Variants in ABCA5 observed in about 807,000 individuals in gnomAD.
The protein encoded by ABCA5 is cholesterol transporter ABCA5.
ABCA5 carries 163 observed loss-of-function variants against 206.0 expected under a neutral mutation model. The observed-to-expected ratio is 0.79, with a 90% CI of 0.70 to 0.90. The LOEUF is 0.90. ABCA5 is among the 40% of genes least tolerant of loss of function. The probability of loss-of-function intolerance (pLI) is 0.00; values close to 1 mark genes in which losing one functional copy is unlikely to be tolerated. For missense variants in ABCA5, 1,859 were observed against 1,912.9 expected (o/e 0.97, Z 0.53); for synonymous variants, 609 against 613.8 (o/e 0.99, Z 0.11).
At chr17:69,310,526 A>C (rs1024398190) in intron 3 of ABCA5, among the ~76,000 whole-genome samples, 2 of 152,188 alleles carry the variant, frequency 1.3e-5, no homozygotes, top group Non-Finnish European at 2.9e-5. Flanking sequence ...TCAGAAACTA[A>C]ATAGGCATTT....
rs1176053480 is a variant in ABCA5 at position 69,288,717 on chromosome 17, AAG to A, written c.1902+458_1902+459del. 3.2e-3 allele frequency among the ~76,000 whole-genome samples: 200 copies of A among 61,722 alleles called. No homozygotes were observed. In the East Asian group the frequency reaches 0.061, roughly 19 times the overall value. 40.5% of individuals were successfully genotyped at this position (61,722 alleles called of 152,430 possible). A position where few individuals can be genotyped will look rare whatever the true frequency, so the allele number is the denominator to read the frequency against. On this transcript the variant is annotated intron_variant, in intron 14 of 38. Coordinates refer to ENST00000392676, the MANE Select transcript of ABCA5 (RefSeq NM_172232.4). ...CTCGTCTCTACAAATTAAAAAAAAA[AAG>A]AAGAAAGAAAGAAAGAAAGAAAGAA...
intron 9 of ABCA5, among the ~76,000 whole-genome samples, chr17:69,298,429 A>G (rs1000905518): frequency 7.2e-5 from 11 of 152,106 alleles, no homozygotes. Context: ...CAAAATACCT[A>G]CACTCCTCAT....
rs3052556 is a variant in ABCA5, at chr17:69,274,839, C to CTTTTTTTTTTTTTTTTTTTTTTTTTTTTT, written c.2595-712_2595-711insAAAAAAAAAAAAAAAAAAAAAAAAAAAAA. On this transcript the variant is annotated intron_variant, in intron 19 of 38. Coordinates refer to ENST00000392676, the MANE Select transcript of ABCA5 (RefSeq NM_172232.4). ...GTCCTGTCTCTATCTTAACCATTTA[C>CTTTTTTTTTTTTTTTTTTTTTTTTTTTTT]TTTTTTTTTTTTTTTTTTTTTTGAG... is the stretch of plus-strand genomic sequence containing the variant. Among the ~76,000 whole-genome samples, 8 of 85,752 alleles carry CTTTTTTTTTTTTTTTTTTTTTTTTTTTTT rather than the reference C, an allele frequency of 9.3e-5. 2 individuals carry two copies. The highest frequency in any genetic ancestry group is 3.5e-4 in the African/African-American group (8 of 22,742). The allele number at this position is 85,752 out of a possible 152,430, so 56.3% of individuals were successfully genotyped here.
At chr17:69,321,227 T>C (rs558572768) in intron 1 of ABCA5, among the ~76,000 whole-genome samples, 1 of 152,270 alleles carries the variant, frequency 6.6e-6, no homozygotes, top group African/African-American at 2.4e-5. Context: ...TATCTTGAGA[T>C]GGGAACAACT....
In ABCA5 at chr17:69,277,840, A is replaced by C; in HGVS notation, c.2395T>G (p.Tyr799Asp). ...EVEAEIDQADYSVFTQQPLEE... is the reference protein window; with the variant it reads ...EVEAEIDQADDSVFTQQPLEE... ...AGTGGCTGCTGAGTAAATACACTAT[A>C]ATCTATTTGCCAAAACAAAACAAAC... The change falls in exon 19 of 39, where the codon TAT becomes GAT. Residue 799 changes from tyrosine to aspartate, a missense_variant and splice_region_variant. By Grantham distance (160) the Tyr-to-Asp change is radical. Transcript: ENST00000392676. 3 of 1,516,244 alleles carry C rather than the reference A, an allele frequency of 2.0e-6. No homozygotes were observed. The highest frequency in any genetic ancestry group is 1.3e-5 in the South Asian group (1 of 75,398). 93.9% of individuals were successfully genotyped at this position (1,516,244 alleles called of 1,614,324 possible).
At chr17:69,254,186 T>C (rs932126937) in intron 32 of ABCA5, 129 bp downstream of exon 32, 1 of 747,512 alleles carries the variant, frequency 1.3e-6, no homozygotes. Flanking sequence ...ATAAAGAATA[T>C]ATGAAAAAGT....
intron 10 of ABCA5, among the ~76,000 whole-genome samples, chr17:69,295,393 C>T (rs1467568888): frequency 1.3e-5 from 2 of 152,104 alleles, no homozygotes; most frequent in Admixed American, 6.5e-5. Flanking sequence ...AAAAAATAAG[C>T]AAGAACCCTG....
intron 6 of ABCA5, among the ~76,000 whole-genome samples, chr17:69,306,398 T>C (rs2075717075): frequency 6.6e-6 from 1 of 152,132 alleles, no homozygotes; most frequent in Non-Finnish European, 1.5e-5. Flanking sequence ...TCCTGAACTC[T>C]GAAATACACA....
chr17:69,256,557 G>A (rs916689037), intron 28 of ABCA5, among the ~76,000 whole-genome samples: 27 of 150,894 alleles, frequency 1.8e-4, no homozygotes, highest in African/African-American at 6.6e-4. Context: ...CTGGGTTCAA[G>A]CGATTCTCCT....
intron 22 of ABCA5, 103 bp from the exon 23 acceptor site, chr17:69,268,159 A>T: frequency 6.9e-6 from 4 of 579,884 alleles, no homozygotes; most frequent in Non-Finnish European, 1.2e-5. Context: ...AAAACCTCAG[A>T]AAGAATGTAT....
Position 69,313,282 on chromosome 17 carries a change from T to G in ABCA5, c.117A>C (p.Pro39=). The part of the protein sequence containing the change: ...KKSSVQEILF[P]LFFLFWLILI... ...ATATTAACCAAAATAAAAAAAATAG[T>G]GGAAAAAGAATTTCCTACAATAAAA... The change falls in exon 3 of 39, where the codon CCA becomes CCC. Residue 39 remains proline (P), a synonymous_variant. Coordinates refer to ENST00000392676, the MANE Select transcript of ABCA5 (RefSeq NM_172232.4). 1.4e-6 allele frequency: 2 copies of G among 1,385,888 alleles called. No homozygotes were observed. Among genetic ancestry groups the G allele is most frequent in the Non-Finnish European group, 1.0e-6 (1 of 1,003,520 alleles). The allele number at this position is 1,385,888 out of a possible 1,614,324, so 85.8% of individuals were successfully genotyped here.
chr17:69,325,308 CAA>C (rs35573417), intron 1 of ABCA5, among the ~76,000 whole-genome samples: 3 of 137,872 alleles, frequency 2.2e-5, no homozygotes, highest in African/African-American at 2.7e-5. Flanking sequence ...GACCCTGTCT[CAA>C]AAAAAAAAAA....
chr17:69,284,243 T>C (rs2075427490), intron 17 of ABCA5, among the ~76,000 whole-genome samples, 171 bp from the exon 18 acceptor site: 1 of 152,134 alleles, frequency 6.6e-6, no homozygotes, highest in Non-Finnish European at 1.5e-5. Context: ...AAGCCTGTAG[T>C]CTTAGCTACT....
chr17:69,295,235 A>C (rs1247777222), intron 10 of ABCA5, among the ~76,000 whole-genome samples: 1 of 152,204 alleles, frequency 6.6e-6, no homozygotes, highest in Non-Finnish European at 1.5e-5. Context: ...CACAGACCTC[A>C]ATCTATGGTA....
intron 1 of ABCA5, among the ~76,000 whole-genome samples, chr17:69,325,375 G>A (rs964076858): frequency 6.6e-6 from 1 of 151,892 alleles, no homozygotes; most frequent in Admixed American, 6.6e-5. Context: ...TTCTTGCTGA[G>A]GGAGAAAATA....
At chr17:69,310,407 T>C (rs1598204130) in intron 3 of ABCA5, among the ~76,000 whole-genome samples, 2 of 152,284 alleles carry the variant, frequency 1.3e-5, no homozygotes, top group East Asian at 1.9e-4. Flanking sequence ...TCCGGACTAG[T>C]TGGGATTACA....
intron 35 of ABCA5, 36 bp downstream of exon 35, chr17:69,251,711 C>T: frequency 6.3e-7 from 1 of 1,591,124 alleles, no homozygotes; most frequent in South Asian, 1.2e-5. Flanking sequence ...AACCCCCAAC[C>T]TCTTCCCCTG....
chr17:69,259,624 T>C (rs1567753015), intron 28 of ABCA5, 82 bp downstream of exon 28: 2 of 957,592 alleles, frequency 2.1e-6, no homozygotes, highest in Non-Finnish European at 3.1e-6. Context: ...GCTGGAAATG[T>C]TCCAAAATTA....
At chr17:69,303,857 T>TACATAC (rs1321148097) in intron 7 of ABCA5, among the ~76,000 whole-genome samples, 2 of 47,322 alleles carry the variant, frequency 4.2e-5, no homozygotes, top group African/African-American at 6.6e-5. Flanking sequence ...TATATATATG[T>TACATAC]ATATATATAT....
Sources: gnomAD v4.1 joint callset for allele counts (sites outside exome capture counted in the v4.1 genomes callset) on GRCh38, gnomAD v4.1.1 for gene constraint, MANE v1.5 for transcripts, NCBI Gene and HGNC (gene_info 2026-07-23, HGNC 2026-07-21) for gene names.